Variants in ANKRD35 observed in about 807,000 individuals in gnomAD.
ANKRD35 encodes the protein ankyrin repeat domain-containing protein 35.
ANKRD35 carries 102 observed loss-of-function variants against 109.9 expected under a neutral mutation model. The ratio of observed to expected loss-of-function variants is 0.93; its 90% CI spans 0.79 to 1.09. ANKRD35 has a LOEUF of 1.09. ANKRD35 is among the 50% of genes least tolerant of loss of function. ANKRD35 has a pLI of 0.00. For missense variants in ANKRD35, 1,240 were observed against 1,230.1 expected (o/e 1.01, Z -0.12); for synonymous variants, 515 against 512.4 (o/e 1.01, Z -0.07).
In ANKRD35 at chr1:145,872,477, A is replaced by G. The variant is rs1653868720; in HGVS notation, c.2292T>C (p.Cys764=). The G allele has an allele frequency of 1.3e-6, 2 of 1,597,526 alleles. No individual in the cohort carries two copies. The highest frequency in any genetic ancestry group is 2.7e-5 in the African/African-American group (2 of 74,652). Residue 764 remains cysteine (C), a synonymous_variant, in exon 10 of 14, where the codon TGT becomes TGC. Coordinates refer to ENST00000355594, the MANE Select transcript of ANKRD35 (RefSeq NM_144698.5). ...NQQLRGSLSP[C]REPGTSLKAP... ...CCTTTAAGGAGGTGCCTGGCTCCCT[A>G]CACGGGGACAAGGACCCCCGCAACT...
chr1:145,873,079 G>A lies in ANKRD35; in HGVS notation c.1690C>T (p.Gln564Ter). Residue 564 changes from glutamine (Q) to a stop codon, truncating the protein, a stop_gained, in exon 10 of 14, where the codon CAG becomes TAG. Transcript: ENST00000355594. LOFTEE classifies it high-confidence loss of function. ...TTTAGGGCTCCCTCTCTGGACTCCT[G>A]GGAAGGAACCTCAGGTTTCACCTGT... ...GLQVKPEVPS[Q>*]ESREGALKAA... The A allele has an allele frequency of 6.2e-7, 1 of 1,612,660 alleles. No homozygotes were observed. The highest frequency in any genetic ancestry group is 1.3e-5 in the African/African-American group (1 of 74,968).
intron 3 of ANKRD35, 21 bp from the exon 4 acceptor site, chr1:145,878,053 G>A: frequency 6.2e-7 from 1 of 1,611,708 alleles, no homozygotes. Flanking sequence ...AAGAAGGGGA[G>A]AAGGAGGGTA....
rs782239839 is a variant in ANKRD35, at chr1:145,873,424, C to T, written c.1345G>A (p.Ala449Thr). 1.2e-6 allele frequency: 2 copies of T among 1,614,120 alleles called. No homozygotes were observed. The highest frequency in any genetic ancestry group is 4.5e-5 in the East Asian group (2 of 44,874). The stretch of plus-strand genomic sequence containing the variant: ...GCATGATCAGGGCCAAAGGTCTGTG[C>T]CCCATTGGTAGTCAGTTGCTGTCCT... ...ATGQQLTTNG[A>T]QTFGPDHADQ... Residue 449 changes from alanine (A) to threonine (T), a missense_variant, in exon 10 of 14, where the codon GCA (alanine) becomes ACA (threonine). Coordinates refer to ENST00000355594, the MANE Select transcript of ANKRD35 (RefSeq NM_144698.5).
At chr1:145,874,322 G>C in intron 8 of ANKRD35, 130 bp from the exon 9 acceptor site, 3 of 1,026,652 alleles carry the variant, frequency 2.9e-6, no homozygotes, top group Non-Finnish European at 4.4e-6. Flanking sequence ...ACATCTTCCT[G>C]GTGCCAGAAG....
intron 7 of ANKRD35, 107 bp from the exon 8 acceptor site, chr1:145,875,113 G>T: frequency 8.8e-7 from 1 of 1,134,926 alleles, no homozygotes; most frequent in Non-Finnish European, 1.2e-6. Context: ...GGGGTCAGGA[G>T]AACAACAGAC....
intron 1 of ANKRD35, among the ~76,000 whole-genome samples, chr1:145,882,167 G>T (rs1374321551): frequency 6.6e-6 from 1 of 151,560 alleles, no homozygotes; most frequent in East Asian, 1.9e-4. Context: ...TGTTAGCCAG[G>T]ATGGTCTCAA....
At position 145,876,637 on chromosome 1, in the gene ANKRD35, A is replaced by C. The variant is rs891927710; in HGVS notation, c.385T>G (p.Ser129Ala). 1 of 1,614,150 alleles carries C rather than the reference A, an allele frequency of 6.2e-7. No individual in the cohort carries two copies. The highest frequency in any genetic ancestry group is 8.5e-7 in the Non-Finnish European group (1 of 1,180,028). The change falls in exon 6 of 14, where the codon TCC becomes GCC. Residue 129 changes from serine to alanine, a missense_variant and splice_region_variant. Transcript: ENST00000355594. ...ENRSPLHWAA[S>A]SGCASSVLLL... Reference sequence around the variant, plus strand: ...AGCACACTTGAGGCACAGCCAGAGGAGGCTGGGGAGAAGATGTTTGGGTTA... The same window carrying C: ...AGCACACTTGAGGCACAGCCAGAGGCGGCTGGGGAGAAGATGTTTGGGTTA...
rs782573218 is a variant in ANKRD35 at position 145,872,671 on chromosome 1, C to G, written c.2098G>C (p.Gly700Arg). Residue 700 changes from glycine (G) to arginine (R), a missense_variant, in exon 10 of 14, where the codon GGT (glycine) becomes CGT (arginine). Coordinates refer to ENST00000355594, the MANE Select transcript of ANKRD35 (RefSeq NM_144698.5). ...LRKLLASQSSGLRGLWDCLPA... is the reference protein window; with the variant it reads ...LRKLLASQSSRLRGLWDCLPA... The stretch of plus-strand genomic sequence containing the variant: ...AGGCAGTCCCACAGCCCTCGGAGAC[C>G]GCTGCTCTGGGAGGCCAGGAGCTTC... 1 of 1,614,120 alleles carries G rather than the reference C, an allele frequency of 6.2e-7. No homozygotes were observed. Among genetic ancestry groups the G allele is most frequent in the Non-Finnish European group, 8.5e-7 (1 of 1,179,994 alleles).
At chr1:145,871,633 T>C (rs1447386580) in intron 10 of ANKRD35, among the ~76,000 whole-genome samples, 1 of 152,230 alleles carries the variant, frequency 6.6e-6, no homozygotes, top group Non-Finnish European at 1.5e-5. Flanking sequence ...CAACCCATCA[T>C]GCTATTAGGC....
chr1:145,867,840 C>A, intron 12 of ANKRD35, 151 bp downstream of exon 12: 1 of 713,034 alleles, frequency 1.4e-6, no homozygotes, highest in Admixed American at 2.3e-5. Context: ...TCTTGATCTA[C>A]CAAATGAGAT....
At position 145,885,835 on chromosome 1, in the gene ANKRD35, T is replaced by G; in HGVS notation, c.-77A>C. ...GGTTCCCGAACCCACCGGACTTGGCTGCGGCTGTGCAAGAGACAGCTGTCA... is the reference window on the plus strand; with the variant it reads ...GGTTCCCGAACCCACCGGACTTGGCGGCGGCTGTGCAAGAGACAGCTGTCA... On this transcript the variant is annotated 5_prime_UTR_variant, in exon 1 of 14. Transcript: ENST00000355594. The G allele has an allele frequency of 8.7e-7, 1 of 1,150,656 alleles. No individual in the cohort carries two copies. Among genetic ancestry groups the G allele is most frequent in the South Asian group, 1.3e-5 (1 of 79,854 alleles). 71.3% of individuals were successfully genotyped at this position (1,150,656 alleles called of 1,614,324 possible).
intron 1 of ANKRD35, among the ~76,000 whole-genome samples, chr1:145,883,239 C>A (rs1037410040): frequency 7.9e-5 from 12 of 152,124 alleles, no homozygotes; most frequent in African/African-American, 1.2e-4. Context: ...TGCCTGCCAC[C>A]ACACCCGGCT....
intron 7 of ANKRD35, 25 bp from the exon 8 acceptor site, chr1:145,875,031 A>G: frequency 1.3e-6 from 2 of 1,562,126 alleles, no homozygotes; most frequent in Non-Finnish European, 1.7e-6. Flanking sequence ...AAATCTGAGC[A>G]CAGACTTTCC....
intron 8 of ANKRD35, among the ~76,000 whole-genome samples, chr1:145,874,556 T>C (rs1653986307): frequency 6.6e-6 from 1 of 152,246 alleles, no homozygotes. Flanking sequence ...ATCACACAAA[T>C]AGATGTACAA....
chr1:145,872,579 C>T lies in ANKRD35; in HGVS notation c.2190G>A (p.Arg730=), dbSNP rs1653875820. Residue 730 remains arginine (R), a synonymous_variant, in exon 10 of 14, where the codon CGG becomes CGA. Transcript: ENST00000355594. ...SKAAESLEEL[R]ACISTLVDRH... ...GATCCACCAGGGTGCTGATGCAGGC[C>T]CGCAGCTCCTCCAGGGACTCCGCTG... 1 of 1,611,996 alleles carries T rather than the reference C, an allele frequency of 6.2e-7. No individual in the cohort carries two copies.
intron 10 of ANKRD35, among the ~76,000 whole-genome samples, chr1:145,869,463 T>C (rs1419531927): frequency 1.3e-5 from 2 of 151,888 alleles, no homozygotes; most frequent in African/African-American, 4.8e-5. Context: ...ATTACAGGTG[T>C]GAGCCACTGC....
chr1:145,867,909 G>T, intron 12 of ANKRD35, 82 bp downstream of exon 12: 1 of 1,363,264 alleles, frequency 7.3e-7, no homozygotes, highest in South Asian at 1.2e-5. Flanking sequence ...CAGGGACCCT[G>T]GAGAAGAGAG....
intron 6 of ANKRD35, 104 bp downstream of exon 6, chr1:145,876,465 T>C (rs1233006992): frequency 7.5e-7 from 1 of 1,335,942 alleles, no homozygotes; most frequent in African/African-American, 1.4e-5. Context: ...AAGAGAAGGG[T>C]GGTGCTAACA....
chr1:145,872,681 G>C lies in ANKRD35; in HGVS notation c.2088C>G (p.Ser696=). The C allele has an allele frequency of 1.9e-6, 3 of 1,614,106 alleles. No homozygotes were observed. Among genetic ancestry groups the C allele is most frequent in the Non-Finnish European group, 1.7e-6 (2 of 1,180,006 alleles). The change falls in exon 10 of 14, where the codon TCC becomes TCG. Residue 696 remains serine (S), a synonymous_variant. Coordinates refer to ENST00000355594, the MANE Select transcript of ANKRD35 (RefSeq NM_144698.5). Reference sequence around the variant, plus strand: ...ACAGCCCTCGGAGACCGCTGCTCTGGGAGGCCAGGAGCTTCCGCAGCTTCT... The same window carrying C: ...ACAGCCCTCGGAGACCGCTGCTCTGCGAGGCCAGGAGCTTCCGCAGCTTCT... ...ATEKLRKLLA[S]QSSGLRGLWD...
Sources: gnomAD v4.1 joint callset for allele counts (sites outside exome capture counted in the v4.1 genomes callset) on GRCh38, gnomAD v4.1.1 for gene constraint, MANE v1.5 for transcripts, NCBI Gene and HGNC (gene_info 2026-07-23, HGNC 2026-07-21) for gene names.